The following POU2F1 variants were observed in gnomAD, a reference collection of about 807,000 sequenced individuals.
The protein encoded by POU2F1 is POU domain, class 2, transcription factor 1.
POU2F1 carries 16 observed loss-of-function variants against 84.9 expected under a neutral mutation model. The ratio of observed to expected loss-of-function variants is 0.19; its 90% CI spans 0.13 to 0.29. POU2F1 has a LOEUF of 0.29. POU2F1 is among the 10% of genes least tolerant of loss of function. The pLI, the probability that POU2F1 is intolerant of heterozygous loss-of-function variation, is 1.00. For missense variants in POU2F1, 738 were observed against 942.6 expected (o/e 0.78, Z 2.84); for synonymous variants, 368 against 368.3 (o/e 1.00, Z 0.01).
At chr1:167,395,636 G>A (rs547757731) in intron 9 of POU2F1, among the ~76,000 whole-genome samples, 11 of 151,548 alleles carry the variant, frequency 7.3e-5, no homozygotes, top group Admixed American at 5.2e-4. Flanking sequence ...ACAGGATCTC[G>A]CTCTGTCACC....
At chr1:167,371,147 A>G (rs1357300110) in intron 4 of POU2F1, among the ~76,000 whole-genome samples, 1 of 152,182 alleles carries the variant, frequency 6.6e-6, no homozygotes. Context: ...AGGAGGCGGA[A>G]AATTGCCTTG....
chr1:167,403,984 G>A (rs571397118), intron 13 of POU2F1, among the ~76,000 whole-genome samples: 1 of 152,210 alleles, frequency 6.6e-6, no homozygotes, highest in African/African-American at 2.4e-5. Flanking sequence ...AGTGTTGCTA[G>A]TGAAAAGTCT....
At chr1:167,392,275 C>G (rs530728010) in intron 9 of POU2F1, among the ~76,000 whole-genome samples, 39 of 151,698 alleles carry the variant, frequency 2.6e-4, no homozygotes, top group Non-Finnish European at 5.2e-4. Context: ...TGGCTTCAAC[C>G]TGGGAGGTGG....
intron 1 of POU2F1, among the ~76,000 whole-genome samples, chr1:167,294,146 A>C (rs1654117788): frequency 6.9e-6 from 1 of 144,068 alleles, no homozygotes; most frequent in African/African-American, 2.6e-5. Flanking sequence ...TCCTGATCTC[A>C]GTGAAACCCC....
intron 3 of POU2F1, among the ~76,000 whole-genome samples, chr1:167,368,369 C>T (rs1659817103): frequency 6.6e-6 from 1 of 151,706 alleles, no homozygotes; most frequent in Non-Finnish European, 1.5e-5. Flanking sequence ...TATCATATTG[C>T]TTTGTCCCAT....
chr1:167,223,795 A>G lies in POU2F1; in HGVS notation c.61+2837A>G, dbSNP rs1296220024. Among the ~76,000 whole-genome samples the G allele has an allele frequency of 6.6e-5, 10 of 152,300 alleles. No homozygotes were observed. The East Asian group carries it at 1.5e-3, about 23-fold the overall frequency. On this transcript the variant is annotated intron_variant, in intron 1 of 15. Transcript: ENST00000367866. The stretch of plus-strand genomic sequence containing the variant: ...AATGACTGCTTCAGAGACCTGAAGT[A>G]TGAGGTCAGATGGACAAAAAGCAGC...
chr1:167,296,816 T>G (rs1654313882), intron 1 of POU2F1, among the ~76,000 whole-genome samples: 1 of 152,218 alleles, frequency 6.6e-6, no homozygotes, highest in Admixed American at 6.5e-5. Context: ...TCCAATTATA[T>G]GCAAAGCACT....
At chr1:167,322,814 A>G (rs1656418067) in intron 1 of POU2F1, among the ~76,000 whole-genome samples, 1 of 152,214 alleles carries the variant, frequency 6.6e-6, no homozygotes, top group South Asian at 2.1e-4. Flanking sequence ...ACGGGAAACA[A>G]AGAGATGGGC....
rs2101971497 is a variant in POU2F1, at chr1:167,424,523, C to G, written c.*8713C>G. ...GAAGTCCAGGAGCTGTTGTATACCT[C>G]ATTTCTAACTCGTGACCGAGTGACT... On this transcript the variant is annotated 3_prime_UTR_variant, in exon 16 of 16. Coordinates refer to ENST00000367866, the MANE Select transcript of POU2F1 (RefSeq NM_002697.4). 6.6e-6 allele frequency: 1 copy of G among 152,342 alleles called. No individual in the cohort carries two copies. The highest frequency in any genetic ancestry group is 2.4e-5 in the African/African-American group (1 of 41,558). The allele number at this position is 152,342 out of a possible 1,614,324, so 9.4% of individuals were successfully genotyped here.
In POU2F1 at chr1:167,377,889, T is replaced by C. The variant is rs1660435008; in HGVS notation, c.718+1734T>C. 3.3e-5 allele frequency among the ~76,000 whole-genome samples: 5 copies of C among 152,214 alleles called. No individual in the cohort carries two copies. The South Asian group carries it at 6.2e-4, about 19-fold the overall frequency. ...TTTGTGTACATATGTACTGAAAGTT[T>C]TATGGCTGTATAGTATTCCGTTGTG... is the stretch of plus-strand genomic sequence containing the variant. On this transcript the variant is annotated intron_variant, in intron 7 of 15. Coordinates refer to ENST00000367866, the MANE Select transcript of POU2F1 (RefSeq NM_002697.4).
chr1:167,380,706 C>T (rs898999553), intron 7 of POU2F1: 2 of 152,120 alleles, frequency 1.3e-5, no homozygotes, highest in African/African-American at 4.8e-5. Flanking sequence ...ATAATGTTTC[C>T]AGCATGAGAT....
chr1:167,356,193 G>A (rs182979645), intron 2 of POU2F1, among the ~76,000 whole-genome samples: 7 of 146,404 alleles, frequency 4.8e-5, no homozygotes, highest in African/African-American at 1.3e-4. Context: ...TTGTAGAGGC[G>A]GGGTTTCACC....
At chr1:167,363,054 C>G (rs975337726) in intron 2 of POU2F1, among the ~76,000 whole-genome samples, 3 of 152,156 alleles carry the variant, frequency 2.0e-5, no homozygotes, top group African/African-American at 7.2e-5. Flanking sequence ...TCCTCCTCCC[C>G]CCCAAGGCAG....
At chr1:167,413,901 A>G (rs1054296160) in intron 15 of POU2F1, among the ~76,000 whole-genome samples, 3 of 152,032 alleles carry the variant, frequency 2.0e-5, no homozygotes, top group African/African-American at 7.2e-5. Context: ...ACTTGAGGCC[A>G]TGAGTTCAAG....
intron 1 of POU2F1, among the ~76,000 whole-genome samples, chr1:167,301,314 C>T (rs538027671): frequency 5.9e-5 from 9 of 152,306 alleles, no homozygotes; most frequent in South Asian, 2.1e-4. Flanking sequence ...TTCACAGACA[C>T]GTTAGTTACT....
At chr1:167,349,981 A>C (rs1658448493) in intron 2 of POU2F1, among the ~76,000 whole-genome samples, 1 of 152,234 alleles carries the variant, frequency 6.6e-6, no homozygotes, top group African/African-American at 2.4e-5. Flanking sequence ...CAGTTGGCTA[A>C]GATTTAAGAA....
At chr1:167,380,408 A>G (rs1264587755) in intron 7 of POU2F1, 1 of 152,178 alleles carries the variant, frequency 6.6e-6, no homozygotes, top group Non-Finnish European at 1.5e-5. Context: ...CAGTCAACAA[A>G]CGATAGATAA....
At chr1:167,232,299 A>G (rs1428459731) in intron 1 of POU2F1, among the ~76,000 whole-genome samples, 2 of 152,218 alleles carry the variant, frequency 1.3e-5, no homozygotes, top group Non-Finnish European at 2.9e-5. Context: ...CCATAAGATT[A>G]TAACAGAACT....
In POU2F1 at chr1:167,370,150, A is replaced by G. The variant is rs1453401890; in HGVS notation, c.229-11A>G. 6.2e-7 allele frequency: 1 copy of G among 1,600,294 alleles called. No homozygotes were observed. Among genetic ancestry groups the G allele is most frequent in the Non-Finnish European group, 8.5e-7 (1 of 1,170,686 alleles). ...CAGTATTAAACTAGAACTTCCCCTG[A>G]TTACTTATAGGTCCAACTCGCTGGA... On this transcript the variant is annotated splice_polypyrimidine_tract_variant and intron_variant, in intron 3 of 15. Transcript: ENST00000367866.
Sources: gnomAD v4.1 joint callset for allele counts (sites outside exome capture counted in the v4.1 genomes callset) on GRCh38, gnomAD v4.1.1 for gene constraint, MANE v1.5 for transcripts, NCBI Gene and HGNC (gene_info 2026-07-23, HGNC 2026-07-21) for gene names.